ARHGAP29: variants seen among roughly 807,000 people sequenced by gnomAD.
ARHGAP29 encodes Rho GTPase activating protein 29.
ARHGAP29 carries 43 observed loss-of-function variants against 122.6 expected under a neutral mutation model. The ratio of observed to expected loss-of-function variants is 0.35; its 90% CI spans 0.27 to 0.45. The LOEUF is 0.45. Among genes scored for constraint, ARHGAP29 ranks in the 20% least tolerant of loss-of-function variants. The pLI, the probability that ARHGAP29 is intolerant of heterozygous loss-of-function variation, is 1.00. For missense variants in ARHGAP29, 1,303 were observed against 1,477.2 expected, an observed-to-expected ratio of 0.88 and a Z score of 1.93; for synonymous variants, 506 against 497.1, an observed-to-expected ratio of 1.02 and a Z score of -0.24.
the ARHGAP29 span, among the ~76,000 whole-genome samples, chr1:94,297,836 A>G: frequency 6.6e-6 from 1 of 152,154 alleles, no homozygotes; most frequent in South Asian, 2.1e-4. Flanking sequence ...AGCTGGCCTA[A>G]GGATGTGATG....
chr1:94,272,336 G>A (rs1282417700), intron 1 of ARHGAP29, among the ~76,000 whole-genome samples: 3 of 152,196 alleles, frequency 2.0e-5, no homozygotes, highest in Non-Finnish European at 4.4e-5. Flanking sequence ...AGGAAGACAG[G>A]ACTATGGGAA....
At chr1:94,286,200 G>T in the ARHGAP29 span, among the ~76,000 whole-genome samples, 2 of 152,160 alleles carry the variant, frequency 1.3e-5, no homozygotes, top group South Asian at 2.1e-4. Flanking sequence ...GGCAGAGAAA[G>T]ATTTCTTCCT....
rs550137512 is a variant in ARHGAP29 at position 94,189,464 on chromosome 1, T to G, written c.1440-112A>C. On this transcript the variant is annotated intron_variant, in intron 13 of 22. Transcript: ENST00000260526. The stretch of plus-strand genomic sequence containing the variant: ...ATTAATTTAACAATCATAGAAGAAT[T>G]AAACTAAATATTAAAAACAAACCAC... 1,655 of 1,263,374 alleles carry G rather than the reference T, an allele frequency of 1.3e-3. 2 individuals carry two copies. The highest frequency in any genetic ancestry group is 1.6e-3 in the Non-Finnish European group (1,500 of 950,556). 78.3% of individuals were successfully genotyped at this position (1,263,374 alleles called of 1,614,324 possible). A position where few individuals can be genotyped will look rare whatever the true frequency, so the allele number is the denominator to read the frequency against.
At chr1:94,202,890 G>T (rs373742487) in intron 10 of ARHGAP29, 28 bp downstream of exon 10, 3 of 1,575,546 alleles carry the variant, frequency 1.9e-6, no homozygotes, top group African/African-American at 1.4e-5. Context: ...TCACAAATAG[G>T]TACATGAAAC....
chr1:94,202,888 A>G (rs1328970160), intron 10 of ARHGAP29, 30 bp downstream of exon 10: 1 of 1,572,838 alleles, frequency 6.4e-7, no homozygotes, highest in Non-Finnish European at 8.6e-7. Context: ...GTTCACAAAT[A>G]GGTACATGAA....
chr1:94,285,620 T>C, the ARHGAP29 span, among the ~76,000 whole-genome samples: 2 of 151,968 alleles, frequency 1.3e-5, no homozygotes, highest in African/African-American at 2.4e-5. Context: ...CATTCGCCTG[T>C]AATCCCAGCA....
chr1:94,264,481 T>C (rs2100721098), intron 1 of ARHGAP29, among the ~76,000 whole-genome samples: 1 of 152,274 alleles, frequency 6.6e-6, no homozygotes, highest in African/African-American at 2.4e-5. Context: ...ACAGATGCTT[T>C]GGTGTGTTTG....
intron 2 of ARHGAP29, among the ~76,000 whole-genome samples, chr1:94,224,418 C>A (rs1197647047): frequency 6.6e-6 from 1 of 152,146 alleles, no homozygotes; most frequent in Non-Finnish European, 1.5e-5. Context: ...AGAATGCCAA[C>A]GACAACCATC....
At chr1:94,202,851 C>T in intron 10 of ARHGAP29, 67 bp downstream of exon 10, 3 of 1,536,112 alleles carry the variant, frequency 2.0e-6, no homozygotes, top group Non-Finnish European at 2.6e-6. Flanking sequence ...CAAGGAAGGT[C>T]AGTATATACT....
At position 94,222,710 on chromosome 1, in the gene ARHGAP29, T is replaced by C. The variant is rs1026387744; in HGVS notation, c.206-2318A>G. Among the ~76,000 whole-genome samples, 31 of 152,294 alleles carry C rather than the reference T, an allele frequency of 2.0e-4. 1 individual carries two copies. The highest frequency in any genetic ancestry group is 7.0e-4 in the African/African-American group (29 of 41,576). ...TCTATGGAAATCTGAATATAGACAC[T>C]AGTTAATAATAATGCATCATTTTAT... is the stretch of plus-strand genomic sequence containing the variant. On this transcript the variant is annotated intron_variant, in intron 2 of 22. Transcript: ENST00000260526.
At chr1:94,279,274 A>G (rs546808909), upstream of ARHGAP29, among the ~76,000 whole-genome samples, 1 of 152,284 alleles carries the variant, frequency 6.6e-6, no homozygotes, top group East Asian at 1.9e-4. Flanking sequence ...GTATGAAGCA[A>G]TACTTTACTT....
chr1:94,267,275 G>A (rs527928248), intron 1 of ARHGAP29, among the ~76,000 whole-genome samples: 1 of 152,292 alleles, frequency 6.6e-6, no homozygotes, highest in African/African-American at 2.4e-5. Flanking sequence ...CATTGCTGGT[G>A]TGTTCTCAAT....
rs759000529 is a variant in ARHGAP29, at chr1:94,174,069, G to C, written c.3586C>G (p.His1196Asp). 67 of 1,614,070 alleles carry C rather than the reference G, an allele frequency of 4.2e-5. No homozygotes were observed. Among genetic ancestry groups the C allele is most frequent in the Non-Finnish European group, 5.3e-5 (63 of 1,180,030 alleles). The part of the protein sequence containing the change: ...PSAAVPPGTD[H>D]DPHGLVVKSM... The stretch of plus-strand genomic sequence containing the variant: ...TTCACCACGAGACCGTGGGGATCGT[G>C]ATCTGTGCCAGGAGGCACTGCTGCT... Residue 1196 changes from histidine (H) to aspartate (D), a missense_variant, in exon 23 of 23, where the codon CAC becomes GAC. This residue lies in a region of ARHGAP29 where 620 missense variants were observed against 651.2 expected (regional missense o/e 0.95). Transcript: ENST00000260526.
intron 20 of ARHGAP29, 147 bp from the exon 21 acceptor site, chr1:94,178,314 T>G (rs778026125): frequency 1.5e-4 from 105 of 718,060 alleles, no homozygotes; most frequent in Non-Finnish European, 2.1e-4. Flanking sequence ...TATATTTATT[T>G]GATTAAAATA....
At chr1:94,295,684 ATACT>A in the ARHGAP29 span, among the ~76,000 whole-genome samples, 3 of 115,288 alleles carry the variant, frequency 2.6e-5, no homozygotes, top group African/African-American at 6.1e-5. Flanking sequence ...GAAACATGAA[ATACT>A]TACTCTAATT....
rs1165926883 is a variant in ARHGAP29, at chr1:94,237,555, GCAGCCA to G, written c.-179_-174del. On this transcript the variant is annotated 5_prime_UTR_variant, in exon 1 of 23. Transcript: ENST00000260526. ...CCAAATCTCAGCCGCAGCCGCAGCC[GCAGCCA>G]CAGCCACAGGCACCACCACCACTGC... 3 of 990,930 alleles carry G rather than the reference GCAGCCA, an allele frequency of 3.0e-6. No homozygotes were observed. Among genetic ancestry groups the G allele is most frequent in the Admixed American group, 6.1e-5 (1 of 16,290 alleles). 61.4% of individuals were successfully genotyped at this position (990,930 alleles called of 1,614,324 possible). A position where few individuals can be genotyped will look rare whatever the true frequency, so the allele number is the denominator to read the frequency against.
the ARHGAP29 span, among the ~76,000 whole-genome samples, chr1:94,306,710 T>C: frequency 6.6e-6 from 1 of 152,212 alleles, no homozygotes; most frequent in Non-Finnish European, 1.5e-5. Flanking sequence ...CAAATGGATA[T>C]GCACCAACAT....
chr1:94,222,647 A>G (rs1222607241), intron 2 of ARHGAP29, among the ~76,000 whole-genome samples: 1 of 152,194 alleles, frequency 6.6e-6, no homozygotes, highest in Non-Finnish European at 1.5e-5. Flanking sequence ...ATGTAATACG[A>G]TAGGATCCTG....
intron 3 of ARHGAP29, among the ~76,000 whole-genome samples, chr1:94,217,519 G>C (rs1444880818): frequency 9.3e-6 from 1 of 107,972 alleles, no homozygotes; most frequent in Non-Finnish European, 2.0e-5. Context: ...GTGTGACAGA[G>C]ACACCGTCTC....
Sources: allele counts gnomAD v4.1 joint callset (sites outside exome capture counted in the v4.1 genomes callset), GRCh38; gene constraint gnomAD v4.1.1; regional missense constraint gnomAD v4.1.1; transcripts MANE v1.5; gene names NCBI Gene and HGNC (gene_info 2026-07-23, HGNC 2026-07-21).